SOX5: variants seen among roughly 807,000 people sequenced by gnomAD.
SOX5 encodes SRY-box transcription factor 5.
Under a neutral mutation model 92.0 loss-of-function variants are expected in SOX5, and 9 were observed. The ratio of observed to expected loss-of-function variants is 0.10; its 90% CI spans 0.06 to 0.17. SOX5 has a LOEUF of 0.17. SOX5 is among the 10% of genes least tolerant of loss of function. The pLI is 1.00. For synonymous variants in SOX5, 344 were observed against 336.3 expected, an observed-to-expected ratio of 1.02 and a Z score of -0.25; for missense variants, 642 against 944.5, an observed-to-expected ratio of 0.68 and a Z score of 4.20.
At chr12:23,960,321 T>C (rs1434856337) in intron 4 of SOX5, among the ~76,000 whole-genome samples, 1 of 152,020 alleles carries the variant, frequency 6.6e-6, no homozygotes, top group Non-Finnish European at 1.5e-5. Flanking sequence ...TATATATTAC[T>C]AGTATAAATG....
intron 4 of SOX5, among the ~76,000 whole-genome samples, chr12:24,193,775 T>C (rs954128393): frequency 2.6e-5 from 4 of 152,346 alleles, no homozygotes; most frequent in African/African-American, 9.6e-5. Flanking sequence ...TACATTACAG[T>C]AGTGCAAGTG....
intron 3 of SOX5, among the ~76,000 whole-genome samples, chr12:24,258,786 G>A (rs1339680099): frequency 6.6e-6 from 1 of 152,164 alleles, no homozygotes; most frequent in Non-Finnish European, 1.5e-5. Flanking sequence ...GTCTAGATAT[G>A]TACTCTATGT....
At chr12:24,504,741 CT>C (rs958612188) in intron 1 of SOX5, among the ~76,000 whole-genome samples, 1 of 152,086 alleles carries the variant, frequency 6.6e-6, no homozygotes, top group African/African-American at 2.4e-5. Context: ...GTTCCTTTTT[CT>C]TTTTTCAACA....
At chr12:23,931,897 T>C (rs1487103591) in intron 1 of SOX5, among the ~76,000 whole-genome samples, 1 of 151,628 alleles carries the variant, frequency 6.6e-6, no homozygotes, top group African/African-American at 2.4e-5. Context: ...ATGGTATTCA[T>C]GGCTATCTTC....
At chr12:23,633,288 A>G (rs1313175001) in intron 8 of SOX5, among the ~76,000 whole-genome samples, 1 of 152,140 alleles carries the variant, frequency 6.6e-6, no homozygotes, top group Non-Finnish European at 1.5e-5. Context: ...CATGATGCCC[A>G]TTAAGTAAAA....
chr12:24,119,945 C>T (rs548553230), intron 4 of SOX5, among the ~76,000 whole-genome samples: 186 of 152,280 alleles, frequency 1.2e-3, no homozygotes, highest in African/African-American at 4.3e-3. Context: ...TTGTGTTTGG[C>T]TCATGCACTC....
intron 6 of SOX5, among the ~76,000 whole-genome samples, chr12:23,666,907 G>T (rs751121494): frequency 1.3e-5 from 2 of 152,084 alleles, no homozygotes; most frequent in Non-Finnish European, 2.9e-5. Flanking sequence ...TTTCCCAGTC[G>T]CATTACACAT....
At chr12:24,017,531 T>A (rs1479740832) in intron 4 of SOX5, among the ~76,000 whole-genome samples, 1 of 151,702 alleles carries the variant, frequency 6.6e-6, no homozygotes, top group Non-Finnish European at 1.5e-5. Flanking sequence ...ACACAGGAGG[T>A]GGAGGTTGCA....
chr12:23,962,596 C>T (rs938739008), intron 4 of SOX5, among the ~76,000 whole-genome samples: 8 of 152,128 alleles, frequency 5.3e-5, no homozygotes, highest in African/African-American at 1.9e-4. Context: ...TAACGGAACT[C>T]TTTATTAATT....
intron 4 of SOX5, among the ~76,000 whole-genome samples, chr12:24,128,649 T>A (rs1949346241): frequency 6.6e-6 from 1 of 152,166 alleles, no homozygotes; most frequent in South Asian, 2.1e-4. Flanking sequence ...TTTCGGCATG[T>A]TCTCAAAATG....
chr12:24,032,799 G>C (rs537773519), intron 4 of SOX5, among the ~76,000 whole-genome samples: 2 of 151,838 alleles, frequency 1.3e-5, no homozygotes, highest in Non-Finnish European at 2.9e-5. Context: ...TCTAACAGTA[G>C]CAACTAAATC....
intron 4 of SOX5, among the ~76,000 whole-genome samples, chr12:24,201,307 GAAAATCTGAT>G (rs1957494228): frequency 6.6e-6 from 1 of 151,624 alleles, no homozygotes; most frequent in Non-Finnish European, 1.5e-5. Context: ...AGACTCCTTT[GAAAATCTGAT>G]AAAATCACAT....
At chr12:24,100,083 C>T (rs1179423457) in intron 4 of SOX5, among the ~76,000 whole-genome samples, 1 of 152,124 alleles carries the variant, frequency 6.6e-6, no homozygotes, top group East Asian at 1.9e-4. Context: ...TAAAATACTT[C>T]TCTAGTTCAG....
intron 4 of SOX5, among the ~76,000 whole-genome samples, chr12:24,114,780 A>C (rs550069295): frequency 1.1e-4 from 16 of 151,914 alleles, no homozygotes; most frequent in African/African-American, 3.9e-4. Flanking sequence ...TAAACAAAAT[A>C]TTTAACTGGG....
intron 2 of SOX5, among the ~76,000 whole-genome samples, chr12:24,313,239 A>C (rs1949366276): frequency 6.6e-6 from 1 of 152,156 alleles, no homozygotes; most frequent in African/African-American, 2.4e-5. Context: ...GATTTCTTCA[A>C]AGCAGAAGTT....
chr12:24,562,398 G>GC (rs1566474962), exon 1 of SOX5: 1 of 152,916 alleles, frequency 6.5e-6, no homozygotes, highest in African/African-American at 2.4e-5. Context: ...CGGGCTGGGG[G>GC]CCCCCGGGAG....
chr12:24,268,686 T>G (rs925318593), intron 3 of SOX5, among the ~76,000 whole-genome samples: 1 of 152,176 alleles, frequency 6.6e-6, no homozygotes, highest in Non-Finnish European at 1.5e-5. Flanking sequence ...GGTGCACAGG[T>G]ATGTAGCATC....
chr12:23,878,326 G>A (rs192943845), intron 2 of SOX5, among the ~76,000 whole-genome samples: 1 of 152,004 alleles, frequency 6.6e-6, no homozygotes, highest in East Asian at 1.9e-4. Context: ...AAATATTTCT[G>A]TATAATTTTG....
intron 9 of SOX5, among the ~76,000 whole-genome samples, chr12:23,603,154 G>A (rs773694212): frequency 6.6e-6 from 1 of 151,904 alleles, no homozygotes; most frequent in Non-Finnish European, 1.5e-5. Context: ...ATGGAGGTTA[G>A]AGTGCCCTTT....
Sources: allele counts gnomAD v4.1 joint callset (sites outside exome capture counted in the v4.1 genomes callset), GRCh38; gene constraint gnomAD v4.1.1; transcripts MANE v1.5; gene names NCBI Gene and HGNC (gene_info 2026-07-23, HGNC 2026-07-21).